TRIM67: variants seen among roughly 807,000 people sequenced by gnomAD.
TRIM67 encodes tripartite motif-containing protein 67.
TRIM67 carries 39 observed loss-of-function variants against 71.0 expected under a neutral mutation model. That is an observed-to-expected ratio of 0.55 (90% CI 0.43 to 0.72). The LOEUF is 0.72. Ranked by LOEUF, TRIM67 falls within the 30% of genes least tolerant of loss-of-function variation. TRIM67 has a pLI of 0.00. For synonymous variants in TRIM67, 481 were observed against 473.9 expected, an observed-to-expected ratio of 1.01 and a Z score of -0.19; for missense variants, 973 against 1,079.2, an observed-to-expected ratio of 0.90 and a Z score of 1.38.
Position 231,197,426 on chromosome 1 carries a change from A to C in TRIM67, c.1100A>C (p.Glu367Ala). ...GVSDKAKEAK[E>A]FLVQLKNILQ... is the part of the protein sequence containing the mutation. ...TCAGATAAGGCAAAGGAAGCAAAGG[A>C]GTTTCTGGTTCAGCTAAAGAACATA... The change falls in exon 2 of 10, where the codon GAG (glutamate) becomes GCG (alanine). Residue 367 changes from glutamate (E) to alanine (A), a missense_variant. This residue lies in a region of TRIM67 where 795 missense variants were observed against 831.3 expected (regional missense o/e 0.96). Coordinates refer to ENST00000366653, the MANE Select transcript of TRIM67 (RefSeq NM_001004342.5). The C allele has an allele frequency of 6.2e-7, 1 of 1,614,018 alleles. No individual in the cohort carries two copies. The highest frequency in any genetic ancestry group is 8.5e-7 in the Non-Finnish European group (1 of 1,179,876).
Position 231,220,813 on chromosome 1 carries a change from A to G in TRIM67, c.*5373A>G, listed in dbSNP as rs566106. Reference sequence around the variant, plus strand: ...TTCTCTCAAGGAGCACAGTCCTGGGAAAGGCCTAGGGACCTGTGGGCCGGT... The same window carrying G: ...TTCTCTCAAGGAGCACAGTCCTGGGGAAGGCCTAGGGACCTGTGGGCCGGT... On this transcript the variant is annotated 3_prime_UTR_variant, in exon 10 of 10. Coordinates refer to ENST00000366653, the MANE Select transcript of TRIM67 (RefSeq NM_001004342.5). 0.38 allele frequency: 57,625 copies of G among 152,218 alleles called. 11,081 individuals are homozygous for G. The highest frequency in any genetic ancestry group is 0.43 in the Admixed American group (6,526 of 15,286). 9.4% of individuals were successfully genotyped at this position (152,218 alleles called of 1,614,324 possible). A position where few individuals can be genotyped will look rare whatever the true frequency, so the allele number is the denominator to read the frequency against.
At chr1:231,164,209 G>C (rs1356487597) in intron 1 of TRIM67, among the ~76,000 whole-genome samples, 196 bp downstream of exon 1, 2 of 152,244 alleles carry the variant, frequency 1.3e-5, no homozygotes, top group Non-Finnish European at 2.9e-5. Flanking sequence ...TGGACTGGAT[G>C]CTGGAGATGG....
chr1:231,184,753 A>C (rs1683008694), intron 1 of TRIM67: 1 of 512,776 alleles, frequency 2.0e-6, no homozygotes, highest in East Asian at 3.4e-5. Flanking sequence ...CATTCTACCG[A>C]GAACCACCAT....
rs572020887 is a variant in TRIM67, at chr1:231,219,544, A to C, written c.*4104A>C. On this transcript the variant is annotated 3_prime_UTR_variant, in exon 10 of 10. Coordinates refer to ENST00000366653, the MANE Select transcript of TRIM67 (RefSeq NM_001004342.5). Reference sequence around the variant, plus strand: ...AAATGGGGTGAGCCACCTCCAACAGATGCCAACCTGTTGGGTCTTGAATTT... The same window carrying C: ...AAATGGGGTGAGCCACCTCCAACAGCTGCCAACCTGTTGGGTCTTGAATTT... 9.2e-7 allele frequency: 1 copy of C among 1,087,436 alleles called. No homozygotes were observed. The highest frequency in any genetic ancestry group is 2.5e-5 in the South Asian group (1 of 40,178). The allele number at this position is 1,087,436 out of a possible 1,614,324, so 67.4% of individuals were successfully genotyped here.
chr1:231,216,316 G>A lies in TRIM67; in HGVS notation c.*876G>A. The A allele has an allele frequency of 2.0e-6, 2 of 985,052 alleles. No individual in the cohort carries two copies. The highest frequency in any genetic ancestry group is 2.4e-6 in the Non-Finnish European group (2 of 829,860). 61.0% of individuals were successfully genotyped at this position (985,052 alleles called of 1,614,324 possible). A position where few individuals can be genotyped will look rare whatever the true frequency, so the allele number is the denominator to read the frequency against. ...CTCTCACACACACACAGGCATGACA[G>A]TCTCCTAAAATTAATTCACTCAGTT... is the stretch of plus-strand genomic sequence containing the variant. On this transcript the variant is annotated 3_prime_UTR_variant, in exon 10 of 10. Coordinates refer to ENST00000366653, the MANE Select transcript of TRIM67 (RefSeq NM_001004342.5).
rs978957932 is a variant in TRIM67 at position 231,216,440 on chromosome 1, A to T, written c.*1000A>T. 4.1e-6 allele frequency: 4 copies of T among 985,376 alleles called. No individual in the cohort carries two copies. The African/African-American group carries it at 7.0e-5, about 17-fold the overall frequency. The allele number at this position is 985,376 out of a possible 1,614,324, so 61.0% of individuals were successfully genotyped here. A position where few individuals can be genotyped will look rare whatever the true frequency, so the allele number is the denominator to read the frequency against. ...CCTTTCTGAAACTGGCAGCCCAAGA[A>T]GTTAACTGAAAATGCATCCAGATTG... On this transcript the variant is annotated 3_prime_UTR_variant, in exon 10 of 10. Coordinates refer to ENST00000366653, the MANE Select transcript of TRIM67 (RefSeq NM_001004342.5).
intron 1 of TRIM67, chr1:231,184,064 C>T (rs1260493402): frequency 2.0e-5 from 3 of 152,126 alleles, no homozygotes; most frequent in Non-Finnish European, 2.9e-5. Flanking sequence ...CTGCTGGCCT[C>T]GAATAGGGTG....
intron 5 of TRIM67, among the ~76,000 whole-genome samples, chr1:231,202,273 G>A (rs1439831902): frequency 1.2e-3 from 5 of 4,342 alleles, no homozygotes; most frequent in Non-Finnish European, 3.0e-3. Flanking sequence ...TGGTGGCGGA[G>A]GAGGAGGAGG....
In TRIM67 at chr1:231,181,774, G is replaced by A. The variant is rs888532816; in HGVS notation, c.1045-15597G>A. On this transcript the variant is annotated intron_variant, in intron 1 of 9. Coordinates refer to ENST00000366653, the MANE Select transcript of TRIM67 (RefSeq NM_001004342.5). ...CCATACATTCAACTCCTGGAATAGG[G>A]CCCACTATCCAGAGTGAATAAACAC... Among the ~76,000 whole-genome samples, 4 of 152,046 alleles carry A rather than the reference G, an allele frequency of 2.6e-5. No individual in the cohort carries two copies. In the East Asian group the frequency reaches 7.7e-4, roughly 29 times the overall value.
rs1684060221 is a variant in TRIM67, at chr1:231,218,155, T to C, written c.*2715T>C. 1 of 1,040,844 alleles carries C rather than the reference T, an allele frequency of 9.6e-7. No individual in the cohort carries two copies. The highest frequency in any genetic ancestry group is 1.2e-6 in the Non-Finnish European group (1 of 861,196). The allele number at this position is 1,040,844 out of a possible 1,614,324, so 64.5% of individuals were successfully genotyped here. Reference sequence around the variant, plus strand: ...ATCAGAAAAGTGAAGAAGGAACTTATCAATTCCTCATGGCCAGGAAGGTCC... The same window carrying C: ...ATCAGAAAAGTGAAGAAGGAACTTACCAATTCCTCATGGCCAGGAAGGTCC... On this transcript the variant is annotated 3_prime_UTR_variant, in exon 10 of 10. Transcript: ENST00000366653.
chr1:231,215,228 A>T (rs916888194), intron 9 of TRIM67, 147 bp from the exon 10 acceptor site: 7 of 1,202,880 alleles, frequency 5.8e-6, no homozygotes, highest in Non-Finnish European at 7.6e-6. Flanking sequence ...GGGACGTAAT[A>T]TTCAACAGTC....
At chr1:231,198,473 G>A (rs1184248772) in intron 2 of TRIM67, among the ~76,000 whole-genome samples, 1 of 152,034 alleles carries the variant, frequency 6.6e-6, no homozygotes, top group Non-Finnish European at 1.5e-5. Flanking sequence ...CGCAACCTCC[G>A]CCTCCCAGGT....
Position 231,218,288 on chromosome 1 carries a change from A to G in TRIM67, c.*2848A>G, listed in dbSNP as rs1281228920. 6.1e-6 allele frequency: 6 copies of G among 986,930 alleles called. No individual in the cohort carries two copies. The highest frequency in any genetic ancestry group is 7.2e-6 in the Non-Finnish European group (6 of 830,966). The allele number at this position is 986,930 out of a possible 1,614,324, so 61.1% of individuals were successfully genotyped here. A position where few individuals can be genotyped will look rare whatever the true frequency, so the allele number is the denominator to read the frequency against. On this transcript the variant is annotated 3_prime_UTR_variant, in exon 10 of 10. Coordinates refer to ENST00000366653, the MANE Select transcript of TRIM67 (RefSeq NM_001004342.5). ...ACATTTGTACATACATATAAATGAT[A>G]TCAAGATGAGGCTTTTGTTGGGCTG...
chr1:231,185,043 T>A (rs1274379406), intron 1 of TRIM67: 13 of 1,532,720 alleles, frequency 8.5e-6, no homozygotes, highest in Non-Finnish European at 1.1e-5. Context: ...GGGCCTAGGC[T>A]AGTGTGGAGC....
chr1:231,182,488 G>C (rs890350675), intron 1 of TRIM67, among the ~76,000 whole-genome samples: 12 of 152,160 alleles, frequency 7.9e-5, no homozygotes, highest in African/African-American at 2.7e-4. Context: ...CCAGAAAAGG[G>C]ACATCTCAAC....
At position 231,196,023 on chromosome 1, in the gene TRIM67, A is replaced by G. The variant is rs867029571; in HGVS notation, c.1045-1348A>G. 3.9e-5 allele frequency among the ~76,000 whole-genome samples: 6 copies of G among 152,346 alleles called. No individual in the cohort carries two copies. In the South Asian group the frequency reaches 1.0e-3, roughly 26 times the overall value. On this transcript the variant is annotated intron_variant, in intron 1 of 9. Coordinates refer to ENST00000366653, the MANE Select transcript of TRIM67 (RefSeq NM_001004342.5). ...TGCCGGGTACTCTTCCAGTGCCGGG[A>G]TAAGCTGTGAGCCACCCAGCAAAGC...
Position 231,163,157 on chromosome 1 carries a change from C to T in TRIM67, c.188C>T (p.Ala63Val). The T allele has an allele frequency of 6.6e-7, 1 of 1,508,804 alleles. No homozygotes were observed. The highest frequency in any genetic ancestry group is 8.9e-7 in the Non-Finnish European group (1 of 1,128,004). The allele number at this position is 1,508,804 out of a possible 1,614,324, so 93.5% of individuals were successfully genotyped here. The change falls in exon 1 of 10, where the codon GCC (alanine) becomes GTC (valine). Residue 63 changes from alanine (A) to valine (V), a missense_variant. By Grantham distance (64) the Ala-to-Val change is moderately conservative. This residue lies in a region of TRIM67 where 795 missense variants were observed against 831.3 expected (regional missense o/e 0.96). Transcript: ENST00000366653. ...RGSGLQAGAA[A>V]AASLEHDAAA... The stretch of plus-strand genomic sequence containing the variant: ...TCGGGGCTGCAGGCGGGCGCCGCCG[C>T]CGCTGCCTCTCTGGAGCACGACGCT...
At chr1:231,213,309 G>T (rs1431067933) in intron 8 of TRIM67, among the ~76,000 whole-genome samples, 2 of 152,154 alleles carry the variant, frequency 1.3e-5, no homozygotes, top group Non-Finnish European at 2.9e-5. Flanking sequence ...TCCTCTAGGG[G>T]AGTCTTCATC....
rs1371545457 is a variant in TRIM67, at chr1:231,215,281, C to T, written c.2287-94C>T. On this transcript the variant is annotated intron_variant, in intron 9 of 9. Coordinates refer to ENST00000366653, the MANE Select transcript of TRIM67 (RefSeq NM_001004342.5). ...ATTGCATGGATGGCCCTGGAGCCAG[C>T]AGGGGATCCTGCCGGTGTCTGCGGT... 20 of 1,503,238 alleles carry T rather than the reference C, an allele frequency of 1.3e-5. No homozygotes were observed. The East Asian group carries it at 4.7e-4, about 35-fold the overall frequency. 93.1% of individuals were successfully genotyped at this position (1,503,238 alleles called of 1,614,324 possible). A position where few individuals can be genotyped will look rare whatever the true frequency, so the allele number is the denominator to read the frequency against.
Sources: gnomAD v4.1 joint callset for allele counts (sites outside exome capture counted in the v4.1 genomes callset) on GRCh38, gnomAD v4.1.1 for gene constraint, gnomAD v4.1.1 regional missense constraint, MANE v1.5 for transcripts, NCBI Gene and HGNC (gene_info 2026-07-23, HGNC 2026-07-21) for gene names.